SPAG16: variants seen among roughly 807,000 people sequenced by gnomAD.
SPAG16 encodes sperm associated antigen 16.
SPAG16 carries 86 observed loss-of-function variants against 80.4 expected under a neutral mutation model. The observed-to-expected ratio is 1.07, with a 90% confidence interval of 0.90 to 1.28. SPAG16 has a LOEUF of 1.28. SPAG16 is among the 50% of genes most tolerant of loss of function. The probability of loss-of-function intolerance (pLI) is 0.00; values close to 1 mark genes in which losing one functional copy is unlikely to be tolerated. For missense variants in SPAG16, 870 were observed against 765.3 expected (o/e 1.14, Z -1.61); for synonymous variants, 294 against 265.9 (o/e 1.11, Z -1.03).
chr2:214,019,028 G>T (rs2047726052), intron 13 of SPAG16, among the ~76,000 whole-genome samples: 1 of 151,948 alleles, frequency 6.6e-6, no homozygotes, highest in African/African-American at 2.4e-5. Flanking sequence ...GGAAACTCAT[G>T]AAATTGCTCA....
At chr2:213,364,220 C>A in intron 8 of SPAG16, 75 bp downstream of exon 8, 3 of 858,216 alleles carry the variant, frequency 3.5e-6, no homozygotes, top group Non-Finnish European at 5.0e-6. Context: ...GATTAATATT[C>A]TAGAGATATT....
At chr2:213,672,859 G>GTTTTTTTTTTTTTTTTTT (rs750046794) in intron 10 of SPAG16, among the ~76,000 whole-genome samples, 18 of 124,412 alleles carry the variant, frequency 1.4e-4, no homozygotes, top group Non-Finnish European at 2.4e-4. Context: ...TATTTTGTTT[G>GTTTTTTTTTTTTTTTTTT]TTTTTTTTTT....
At chr2:213,830,071 G>T (rs1332963939) in intron 10 of SPAG16, among the ~76,000 whole-genome samples, 1 of 152,140 alleles carries the variant, frequency 6.6e-6, no homozygotes, top group Non-Finnish European at 1.5e-5. Context: ...CACAGCACTA[G>T]AACTTTCCTA....
At chr2:214,212,034 A>G (rs1226489075) in intron 15 of SPAG16, among the ~76,000 whole-genome samples, 1 of 152,192 alleles carries the variant, frequency 6.6e-6, no homozygotes, top group African/African-American at 2.4e-5. Context: ...TCCAGAGAGC[A>G]AAATATACTT....
At chr2:213,319,039 A>G (rs1038079045) in intron 5 of SPAG16, among the ~76,000 whole-genome samples, 2 of 151,970 alleles carry the variant, frequency 1.3e-5, no homozygotes, top group Non-Finnish European at 2.9e-5. Context: ...TATTCTGACA[A>G]GGAATGTGTG....
intron 10 of SPAG16, among the ~76,000 whole-genome samples, chr2:213,711,031 A>C (rs1234946240): frequency 6.6e-6 from 1 of 152,232 alleles, no homozygotes; most frequent in African/African-American, 2.4e-5. Context: ...TAAAAGTTTT[A>C]GTGCATTTGT....
intron 10 of SPAG16, among the ~76,000 whole-genome samples, chr2:213,748,418 G>C (rs908682700): frequency 1.1e-4 from 16 of 151,556 alleles, no homozygotes; most frequent in African/African-American, 3.9e-4. Context: ...TGCATTAAAA[G>C]TTTATGTTCT....
intron 10 of SPAG16, among the ~76,000 whole-genome samples, chr2:213,647,891 T>C (rs1348165693): frequency 1.3e-5 from 2 of 152,176 alleles, no homozygotes; most frequent in Non-Finnish European, 2.9e-5. Flanking sequence ...TTCAATTCAT[T>C]GGCTCCCTTA....
At chr2:213,360,210 A>C (rs983254559) in intron 7 of SPAG16, among the ~76,000 whole-genome samples, 5 of 152,192 alleles carry the variant, frequency 3.3e-5, no homozygotes, top group Non-Finnish European at 7.3e-5. Context: ...GTCAATGGAA[A>C]CTGGATGTGG....
chr2:214,188,861 A>T (rs1469778289), intron 15 of SPAG16, among the ~76,000 whole-genome samples: 1 of 152,142 alleles, frequency 6.6e-6, no homozygotes, highest in African/African-American at 2.4e-5. Context: ...ATTTGATGAT[A>T]ATCACTTACT....
chr2:213,375,039 C>T lies in SPAG16; in HGVS notation c.862C>T (p.Pro288Ser), dbSNP rs763123278. ...VDHSREKENAPEGPTQKGLRE... is the reference protein window; with the variant it reads ...VDHSREKENASEGPTQKGLRE... ...TCATAGTCGTGAAAAAGAAAATGCA[C>T]CAGAAGGTCCTACTCAGAAAGGTCT... is the stretch of plus-strand genomic sequence containing the variant. The change falls in exon 9 of 16, where the codon CCA becomes TCA. Residue 288 changes from proline to serine, a missense_variant. Transcript: ENST00000331683. 6 of 1,606,476 alleles carry T rather than the reference C, an allele frequency of 3.7e-6. No homozygotes were observed. In the African/African-American group the frequency reaches 6.7e-5, roughly 18 times the overall value.
intron 12 of SPAG16, among the ~76,000 whole-genome samples, chr2:213,978,532 T>C (rs1247456573): frequency 6.6e-6 from 1 of 152,160 alleles, no homozygotes. Context: ...TAGGTATTTA[T>C]TGTGGCACCA....
chr2:213,419,215 CTCCT>C (rs2069446689), intron 9 of SPAG16, among the ~76,000 whole-genome samples: 1 of 152,144 alleles, frequency 6.6e-6, no homozygotes. Context: ...TGAACAATAA[CTCCT>C]TCCTGAAAAT....
At chr2:214,005,938 T>C (rs374830591) in intron 12 of SPAG16, among the ~76,000 whole-genome samples, 3 of 152,204 alleles carry the variant, frequency 2.0e-5, no homozygotes, top group African/African-American at 7.2e-5. Context: ...CTTATGTTCA[T>C]GTTGGATTGT....
intron 10 of SPAG16, 135 bp downstream of exon 10, chr2:213,490,225 T>A: frequency 5.0e-6 from 4 of 799,718 alleles, no homozygotes; most frequent in East Asian, 2.9e-5. Context: ...CATGAAAGAA[T>A]CTGCTTATAG....
intron 10 of SPAG16, among the ~76,000 whole-genome samples, chr2:213,559,031 C>T (rs1274900662): frequency 6.6e-6 from 1 of 152,010 alleles, no homozygotes; most frequent in Non-Finnish European, 1.5e-5. Flanking sequence ...TTGATATTAT[C>T]TAATACCTAG....
intron 10 of SPAG16, among the ~76,000 whole-genome samples, chr2:213,842,682 T>C (rs909405763): frequency 1.3e-5 from 2 of 152,242 alleles, no homozygotes; most frequent in Non-Finnish European, 2.9e-5. Context: ...ATATGAATTG[T>C]CCTTGGATGT....
chr2:213,387,641 A>T (rs2067514979), intron 9 of SPAG16, among the ~76,000 whole-genome samples: 1 of 148,854 alleles, frequency 6.7e-6, no homozygotes, highest in African/African-American at 2.5e-5. Flanking sequence ...TTTTTAGTAG[A>T]GACGGGGTTT....
At chr2:214,308,252 C>T (rs150335959) in intron 15 of SPAG16, among the ~76,000 whole-genome samples, 1 of 152,106 alleles carries the variant, frequency 6.6e-6, no homozygotes, top group Admixed American at 6.6e-5. Flanking sequence ...AGGTTTTTCT[C>T]TATCCCTTTA....
Sources: gnomAD v4.1 joint callset for allele counts (sites outside exome capture counted in the v4.1 genomes callset) on GRCh38, gnomAD v4.1.1 for gene constraint, MANE v1.5 for transcripts, NCBI Gene and HGNC (gene_info 2026-07-23, HGNC 2026-07-21) for gene names.